Variants in TRERF1 observed in about 807,000 individuals in gnomAD.
The protein encoded by TRERF1 is transcriptional-regulating factor 1.
A neutral mutation model predicts 122.9 loss-of-function variants in TRERF1; 27 were observed. The observed-to-expected ratio is 0.22, with a 90% CI of 0.16 to 0.30. The LOEUF is 0.30. Ranked by LOEUF, TRERF1 falls within the 10% of genes least tolerant of loss-of-function variation. The probability of loss-of-function intolerance (pLI) is 1.00; values close to 1 mark genes in which losing one functional copy is unlikely to be tolerated. For missense variants in TRERF1, 1,248 were observed against 1,560.3 expected (o/e 0.80, Z 3.37); for synonymous variants, 636 against 641.7 (o/e 0.99, Z 0.13).
chr6:42,394,744 C>G (rs1232127704), intron 2 of TRERF1, among the ~76,000 whole-genome samples: 1 of 152,058 alleles, frequency 6.6e-6, no homozygotes, highest in Non-Finnish European at 1.5e-5. Flanking sequence ...AATGTACCAC[C>G]AGTCCTGATT....
In TRERF1 at chr6:42,268,550, C is replaced by T. The variant is rs1779643463; in HGVS notation, c.1041G>A (p.Gln347=). 6.2e-7 allele frequency: 1 copy of T among 1,614,134 alleles called. No individual in the cohort carries two copies. Among genetic ancestry groups the T allele is most frequent in the African/African-American group, 1.3e-5 (1 of 75,018 alleles). Residue 347 remains glutamine (Q), a synonymous_variant, in exon 5 of 18, where the codon CAG becomes CAA. Transcript: ENST00000372922. The surrounding 1 kb of genome is among the most constrained non-coding windows in gnomAD (Gnocchi z 4.4). ...GAGGGTCCCTGTGATAAGAAGGAGGCTGCAGGTGCATCTGTTGCTGCTGCT... is the reference window on the plus strand; with the variant it reads ...GAGGGTCCCTGTGATAAGAAGGAGGTTGCAGGTGCATCTGTTGCTGCTGCT...
chr6:42,258,275 T>C, intron 9 of TRERF1, 74 bp from the exon 10 acceptor site: 1 of 1,349,962 alleles, frequency 7.4e-7, no homozygotes, highest in Non-Finnish European at 1.0e-6. Flanking sequence ...AATGAGCAGT[T>C]ACCTAACCAG....
intron 3 of TRERF1, among the ~76,000 whole-genome samples, chr6:42,356,651 T>C (rs1188090710): frequency 6.6e-6 from 1 of 152,214 alleles, no homozygotes; most frequent in African/African-American, 2.4e-5. Context: ...CTCGGCTCAC[T>C]GCAGCCTTCA....
chr6:42,294,191 T>TG lies in TRERF1; in HGVS notation c.-259+6446_-259+6447insC, dbSNP rs1468123027. ...CTAGCTATAATGTAATTTTTTTTTT[T>TG]TTTTTTTTGAGACGGAGTCTCGCTC... On this transcript the variant is annotated intron_variant, in intron 4 of 17. Coordinates refer to ENST00000372922, the Ensembl canonical transcript of TRERF1. 2.0e-3 allele frequency among the ~76,000 whole-genome samples: 304 copies of TG among 150,154 alleles called. 1 individual carries two copies. Among genetic ancestry groups the TG allele is most frequent in the Non-Finnish European group, 3.5e-3 (238 of 67,372 alleles).
rs756348111 is a variant in TRERF1 at position 42,264,834 on chromosome 6, A to G, written c.1505T>C (p.Phe502Ser). Residue 502 changes from phenylalanine (F) to serine (S), a missense_variant, in exon 7 of 18, where the codon TTT becomes TCT. By Grantham distance (155) the Phe-to-Ser change is radical (BLOSUM62 -2). Coordinates refer to ENST00000372922, the Ensembl canonical transcript of TRERF1. ...GTTCTTGGCATCAAACTGCTCCCCA[A>G]ACGCTCCTTTGGGTTGGCCACTGCT... 12 of 1,614,054 alleles carry G rather than the reference A, an allele frequency of 7.4e-6. No individual in the cohort carries two copies. In the Admixed American group the frequency reaches 8.3e-5, roughly 11 times the overall value.
At chr6:42,438,001 A>C (rs867509729) in intron 2 of TRERF1, among the ~76,000 whole-genome samples, 12 of 151,822 alleles carry the variant, frequency 7.9e-5, no homozygotes, top group African/African-American at 2.9e-4. Flanking sequence ...AGCTCCCTGC[A>C]ATCTTCGCCT....
At chr6:42,303,334 C>T (rs1474430922) in intron 3 of TRERF1, among the ~76,000 whole-genome samples, 2 of 152,248 alleles carry the variant, frequency 1.3e-5, no homozygotes, top group East Asian at 3.9e-4. Context: ...ATAGCATATG[C>T]CAGAAGATGG....
At chr6:42,324,578 G>A (rs530859071) in intron 3 of TRERF1, among the ~76,000 whole-genome samples, 1 of 152,200 alleles carries the variant, frequency 6.6e-6, no homozygotes, top group South Asian at 2.1e-4. Flanking sequence ...GAAGAGAAGA[G>A]AAAACCCAGA....
chr6:42,251,964 C>T (rs1369123073), intron 13 of TRERF1, among the ~76,000 whole-genome samples: 8 of 152,240 alleles, frequency 5.3e-5, no homozygotes, highest in Admixed American at 5.2e-4. Context: ...AACCAGGCTT[C>T]GTCTCCACCC....
At chr6:42,350,962 TTC>T (rs1293263488) in intron 3 of TRERF1, among the ~76,000 whole-genome samples, 3 of 151,152 alleles carry the variant, frequency 2.0e-5, no homozygotes, top group African/African-American at 7.3e-5. Flanking sequence ...AAAGAGGCAA[TTC>T]TCTCTCTCTC....
intron 2 of TRERF1, among the ~76,000 whole-genome samples, chr6:42,373,188 G>A (rs1774095377): frequency 6.6e-6 from 1 of 152,262 alleles, no homozygotes; most frequent in Non-Finnish European, 1.5e-5. Flanking sequence ...AACAGCCACA[G>A]TGTTGTGAAG....
intron 2 of TRERF1, among the ~76,000 whole-genome samples, chr6:42,414,342 G>A (rs1382103997): frequency 6.6e-6 from 1 of 152,114 alleles, no homozygotes; most frequent in East Asian, 1.9e-4. Context: ...TCCCAAGAGG[G>A]CACCTCTGTT....
chr6:42,309,120 G>A (rs1007331616), intron 3 of TRERF1, among the ~76,000 whole-genome samples: 1 of 152,022 alleles, frequency 6.6e-6, no homozygotes, highest in Non-Finnish European at 1.5e-5. Context: ...GAACAACCTG[G>A]GTGACTCTGA....
At chr6:42,389,088 T>C (rs537389947) in intron 2 of TRERF1, among the ~76,000 whole-genome samples, 20 of 152,090 alleles carry the variant, frequency 1.3e-4, no homozygotes, top group African/African-American at 4.6e-4. Flanking sequence ...TAAGATAGAA[T>C]TGGAGAGAGG....
intron 13 of TRERF1, among the ~76,000 whole-genome samples, chr6:42,252,697 G>A (rs1336607767): frequency 1.3e-5 from 2 of 152,212 alleles, no homozygotes; most frequent in Admixed American, 6.5e-5. Flanking sequence ...GGTGGTGGCT[G>A]GGACATGTGA....
At chr6:42,340,490 AT>A (rs1162999804) in intron 3 of TRERF1, among the ~76,000 whole-genome samples, 3 of 152,066 alleles carry the variant, frequency 2.0e-5, no homozygotes, top group Admixed American at 6.5e-5. Flanking sequence ...TAAAAGTAGC[AT>A]TTTCCCCCCG....
At chr6:42,260,082 C>T (rs1214069636) in intron 8 of TRERF1, among the ~76,000 whole-genome samples, 2 of 152,004 alleles carry the variant, frequency 1.3e-5, no homozygotes, top group African/African-American at 4.8e-5. Context: ...CCCATTGCTC[C>T]CCAGGGACGG....
intron 15 of TRERF1, among the ~76,000 whole-genome samples, chr6:42,240,046 C>T (rs9462792): frequency 0.12 from 17,569 of 151,746 alleles, 1,381 homozygotes; most frequent in African/African-American, 0.22. Context: ...AGCTTCACGC[C>T]GGCCTGGGTC....
Position 42,259,753 on chromosome 6 carries a change from T to A in TRERF1, c.1885-30A>T, listed in dbSNP as rs1028119935. The A allele has an allele frequency of 6.3e-7, 1 of 1,599,214 alleles. No individual in the cohort carries two copies. Among genetic ancestry groups the A allele is most frequent in the Non-Finnish European group, 8.5e-7 (1 of 1,179,680 alleles). The stretch of plus-strand genomic sequence containing the variant: ...AACCGGAACAACGATCTGATTCGAA[T>A]ACTTCAGCTTCCCCCGCAGGCCATT... On this transcript the variant is annotated intron_variant, in intron 8 of 17. Coordinates refer to ENST00000372922, the Ensembl canonical transcript of TRERF1. The surrounding 1 kb of genome is among the most constrained non-coding windows in gnomAD (Gnocchi z 4.9).
Sources: allele counts gnomAD v4.1 joint callset (sites outside exome capture counted in the v4.1 genomes callset), GRCh38; gene constraint gnomAD v4.1.1; non-coding constraint Gnocchi (gnomAD v3.1); transcripts MANE v1.5; gene names NCBI Gene and HGNC (gene_info 2026-07-23, HGNC 2026-07-21).